Variants in LAMB4 observed in about 807,000 individuals in gnomAD.
LAMB4 encodes laminin subunit beta 4.
Under a neutral mutation model 199.2 loss-of-function variants are expected in LAMB4, and 196 were observed. The observed-to-expected ratio is 0.98, with a 90% CI of 0.88 to 1.11. LAMB4 has a LOEUF of 1.11. Ranked by LOEUF, LAMB4 falls within the 50% of genes least tolerant of loss-of-function variation. The pLI is 0.00. For synonymous variants in LAMB4, 744 were observed against 770.6 expected (o/e 0.97, Z 0.57); for missense variants, 2,080 against 2,171.2 (o/e 0.96, Z 0.83).
intron 1 of LAMB4, among the ~76,000 whole-genome samples, chr7:108,128,269 C>T (rs182319590): frequency 1.2e-4 from 19 of 152,112 alleles, no homozygotes; most frequent in African/African-American, 1.7e-4. Context: ...ATGTCTTGTT[C>T]GCTGACTCCA....
At chr7:108,121,930 T>C (rs981478167) in intron 2 of LAMB4, among the ~76,000 whole-genome samples, 2 of 152,196 alleles carry the variant, frequency 1.3e-5, no homozygotes, top group Admixed American at 6.5e-5. Context: ...AAACTATCAA[T>C]GGGAAAATTC....
chr7:108,084,062 G>T (rs1468732065), intron 14 of LAMB4, among the ~76,000 whole-genome samples: 2 of 152,226 alleles, frequency 1.3e-5, no homozygotes, highest in Non-Finnish European at 2.9e-5. Flanking sequence ...TCCCATACAT[G>T]TGGTCTGATA....
rs374793818 is a variant in LAMB4, at chr7:108,030,895, G to A, written c.4903C>T (p.Gln1635Ter). 1.2e-6 allele frequency: 2 copies of A among 1,614,066 alleles called. No individual in the cohort carries two copies. Among genetic ancestry groups the A allele is most frequent in the South Asian group, 1.1e-5 (1 of 91,086 alleles). ...TCTTGATGCCTTTGCAACTTGGTCT[G>A]CAGCAGGGAAAGTCCATCCTCCAGC... The part of the protein sequence containing the change: ...SGLEDGLSLL[Q>*]TKLQRHQDHA... Residue 1635 changes from glutamine (Q) to a stop codon, truncating the protein, a stop_gained, in exon 32 of 34, where the codon CAG becomes TAG. Transcript: ENST00000388781. LOFTEE classifies it high-confidence loss of function.
In LAMB4 at chr7:108,077,120, C is replaced by T. The variant is rs111594051; in HGVS notation, c.2004-56G>A. 18 of 1,571,600 alleles carry T rather than the reference C, an allele frequency of 1.1e-5. No homozygotes were observed. In the South Asian group the frequency reaches 1.8e-4, roughly 16 times the overall value. On this transcript the variant is annotated intron_variant, in intron 16 of 33. Transcript: ENST00000388781. ...GACCACAGAAATACAATTATATTAGCTAAATGGCCATAGTATTTGGTAGCA... is the reference window on the plus strand; with the variant it reads ...GACCACAGAAATACAATTATATTAGTTAAATGGCCATAGTATTTGGTAGCA...
intron 14 of LAMB4, among the ~76,000 whole-genome samples, chr7:108,080,429 T>C (rs1446679527): frequency 6.6e-6 from 1 of 152,204 alleles, no homozygotes; most frequent in African/African-American, 2.4e-5. Context: ...TTCCTCTTCT[T>C]GTTACTTTTG....
chr7:108,038,328 T>A (rs1341320279), intron 29 of LAMB4, among the ~76,000 whole-genome samples: 2 of 151,862 alleles, frequency 1.3e-5, no homozygotes, highest in Admixed American at 1.3e-4. Flanking sequence ...CCCAGCTAAT[T>A]TTTTTTGTAT....
chr7:108,034,619 A>G (rs1317239021), intron 30 of LAMB4, among the ~76,000 whole-genome samples: 2 of 152,210 alleles, frequency 1.3e-5, no homozygotes, highest in Non-Finnish European at 2.9e-5. Context: ...TTGGGGTGAT[A>G]TAACTATCAA....
At chr7:108,054,481 G>A (rs2035918749) in intron 25 of LAMB4, among the ~76,000 whole-genome samples, 1 of 152,128 alleles carries the variant, frequency 6.6e-6, no homozygotes, top group South Asian at 2.1e-4. Context: ...TATGACATGA[G>A]CCTCTGCAGC....
intron 2 of LAMB4, among the ~76,000 whole-genome samples, chr7:108,119,119 G>T (rs1198095217): frequency 2.0e-5 from 3 of 152,152 alleles, no homozygotes; most frequent in Admixed American, 6.5e-5. Context: ...GAATAGCAAA[G>T]ATAAAAATAG....
At chr7:108,089,759 C>T (rs923928129) in intron 14 of LAMB4, among the ~76,000 whole-genome samples, 1 of 152,188 alleles carries the variant, frequency 6.6e-6, no homozygotes. Flanking sequence ...ACCTCCCAGG[C>T]CCAAACTATC....
intron 33 of LAMB4, among the ~76,000 whole-genome samples, chr7:108,024,888 T>C (rs1483970730): frequency 6.6e-6 from 1 of 152,232 alleles, no homozygotes; most frequent in Non-Finnish European, 1.5e-5. Flanking sequence ...GTTAATAATG[T>C]GAGGCAGCAT....
chr7:108,072,159 T>C (rs1351525144), intron 17 of LAMB4, among the ~76,000 whole-genome samples: 3 of 152,178 alleles, frequency 2.0e-5, no homozygotes, highest in South Asian at 4.1e-4. Flanking sequence ...GAAAGTTCCA[T>C]TGGATATTCA....
chr7:108,106,109 T>TTAATA, intron 7 of LAMB4, 78 bp from the exon 8 acceptor site: 1 of 1,085,862 alleles, frequency 9.2e-7, no homozygotes, highest in Non-Finnish European at 1.4e-6. Context: ...TGATATACAC[T>TTAATA]TAATATACTA....
At chr7:108,111,766 A>G in intron 4 of LAMB4, 45 bp downstream of exon 4, 4 of 1,544,196 alleles carry the variant, frequency 2.6e-6, no homozygotes, top group Non-Finnish European at 2.7e-6. Context: ...ATGTCATATT[A>G]AAATATTGAA....
intron 13 of LAMB4, 37 bp from the exon 14 acceptor site, chr7:108,091,813 G>A: frequency 1.2e-6 from 2 of 1,608,344 alleles, no homozygotes; most frequent in Non-Finnish European, 1.7e-6. Flanking sequence ...AAAATGCAAA[G>A]TAGGTGAGCG....
rs1478671077 is a variant in LAMB4, at chr7:108,095,222, A to G, written c.1470+6T>C. On this transcript the variant is annotated splice_donor_region_variant and intron_variant, in intron 12 of 33. Coordinates refer to ENST00000388781, the MANE Select transcript of LAMB4 (RefSeq NM_007356.3). ...TAGAAAAGGGAAACTATAGGCAAAT[A>G]CATACAGTGCATTCTTCGCAGTGTG... The G allele has an allele frequency of 1.2e-6, 2 of 1,601,522 alleles. No homozygotes were observed. The highest frequency in any genetic ancestry group is 1.7e-6 in the Non-Finnish European group (2 of 1,168,954).
At position 108,037,574 on chromosome 7, in the gene LAMB4, T is replaced by A. The variant is rs1409305355; in HGVS notation, c.4493A>T (p.Asp1498Val). Residue 1498 changes from aspartate (D) to valine (V), a missense_variant, in exon 30 of 34, where the codon GAC (aspartate) becomes GTC (valine). Asp to Val is a radical substitution (Grantham distance 152, BLOSUM62 -3). Coordinates refer to ENST00000388781, the MANE Select transcript of LAMB4 (RefSeq NM_007356.3). ...CACACCATTCGCAACCTTCTCGATG[T>A]CTTCTGGAGGCACGTTTTCCTCTTA... ...FLLEENVPPE[D>V]IEKVANGVLD... The A allele has an allele frequency of 1.2e-6, 2 of 1,614,142 alleles. No homozygotes were observed. Among genetic ancestry groups the A allele is most frequent in the Admixed American group, 3.3e-5 (2 of 60,018 alleles).
At chr7:108,127,774 C>T (rs966102875) in intron 1 of LAMB4, among the ~76,000 whole-genome samples, 14 of 152,314 alleles carry the variant, frequency 9.2e-5, no homozygotes, top group African/African-American at 2.9e-4. Context: ...AGTCTTTGCA[C>T]TCCAAAGACT....
At chr7:108,081,314 T>A (rs1281514744) in intron 14 of LAMB4, among the ~76,000 whole-genome samples, 1 of 152,050 alleles carries the variant, frequency 6.6e-6, no homozygotes, top group East Asian at 1.9e-4. Flanking sequence ...CTCTGGGAGC[T>A]CACAGCCAAT....
Sources: allele counts gnomAD v4.1 joint callset (sites outside exome capture counted in the v4.1 genomes callset), GRCh38; gene constraint gnomAD v4.1.1; transcripts MANE v1.5; gene names NCBI Gene and HGNC (gene_info 2026-07-23, HGNC 2026-07-21).